YAP1: variants seen among roughly 807,000 people sequenced by gnomAD.
YAP1 encodes the protein transcriptional coactivator YAP1.
In YAP1, 5 loss-of-function variants were observed where a neutral mutation model predicts 56.9. The ratio of observed to expected loss-of-function variants is 0.09; its 90% CI spans 0.05 to 0.18. YAP1 has a LOEUF of 0.18. YAP1 is among the 10% of genes least tolerant of loss of function. YAP1 has a pLI of 1.00. For synonymous variants in YAP1, 265 were observed against 248.1 expected (o/e 1.07, Z -0.64); for missense variants, 539 against 651.8 (o/e 0.83, Z 1.88).
intron 3 of YAP1, among the ~76,000 whole-genome samples, chr11:102,167,334 A>G (rs1012041909): frequency 3.9e-5 from 6 of 152,258 alleles, no homozygotes; most frequent in African/African-American, 1.4e-4. Flanking sequence ...GGAATAATGT[A>G]TTAAGATAAT....
intron 2 of YAP1, among the ~76,000 whole-genome samples, chr11:102,135,853 AT>A (rs2099194335): frequency 1.3e-5 from 2 of 152,130 alleles, no homozygotes; most frequent in African/African-American, 4.8e-5. Flanking sequence ...CTTTTGATCA[AT>A]TTTGTGGGAC....
intron 2 of YAP1, among the ~76,000 whole-genome samples, chr11:102,136,950 T>G (rs1473558216): frequency 6.6e-6 from 1 of 152,230 alleles, no homozygotes; most frequent in African/African-American, 2.4e-5. Context: ...TCTTGGCTGT[T>G]CTTTGTTGTA....
At chr11:102,212,256 G>T (rs1177078148) in intron 6 of YAP1, among the ~76,000 whole-genome samples, 1 of 152,190 alleles carries the variant, frequency 6.6e-6, no homozygotes, top group Non-Finnish European at 1.5e-5. Flanking sequence ...GCTGTGGGAT[G>T]TGGAAAGCCA....
chr11:102,218,285 T>C (rs1423175858), intron 6 of YAP1, among the ~76,000 whole-genome samples: 1 of 152,230 alleles, frequency 6.6e-6, no homozygotes, highest in Non-Finnish European at 1.5e-5. Context: ...GTCCCTTATA[T>C]AAAATGGCAT....
At chr11:102,156,972 T>C (rs1304506130) in intron 2 of YAP1, among the ~76,000 whole-genome samples, 1 of 152,238 alleles carries the variant, frequency 6.6e-6, no homozygotes, top group East Asian at 1.9e-4. Flanking sequence ...ATGTTAATTT[T>C]ATCAAACCTA....
At chr11:102,172,316 T>G (rs1227475325) in intron 3 of YAP1, among the ~76,000 whole-genome samples, 1 of 141,244 alleles carries the variant, frequency 7.1e-6, no homozygotes, top group African/African-American at 2.7e-5. Flanking sequence ...TTTTTTTTTT[T>G]TTTTTTTTTT....
chr11:102,175,478 C>T (rs917514187), intron 3 of YAP1, among the ~76,000 whole-genome samples: 3 of 152,150 alleles, frequency 2.0e-5, no homozygotes, highest in Non-Finnish European at 4.4e-5. Flanking sequence ...TTCCCATATT[C>T]GGCTTATCAA....
chr11:102,200,241 A>G (rs923794027), intron 4 of YAP1, among the ~76,000 whole-genome samples: 1 of 152,240 alleles, frequency 6.6e-6, no homozygotes, highest in Non-Finnish European at 1.5e-5. Flanking sequence ...GGGGAAAGAT[A>G]CACAGTTAGC....
At chr11:102,202,222 C>T (rs866054642) in intron 4 of YAP1, among the ~76,000 whole-genome samples, 1 of 151,356 alleles carries the variant, frequency 6.6e-6, no homozygotes, top group East Asian at 1.9e-4. Context: ...TGCAGTGGCG[C>T]GGTCTTGGCT....
chr11:102,161,773 C>T (rs557960136), intron 2 of YAP1, among the ~76,000 whole-genome samples: 28 of 152,278 alleles, frequency 1.8e-4, no homozygotes, highest in African/African-American at 6.0e-4. Context: ...GCCTTGCAGT[C>T]TTACATTTCA....
chr11:102,231,194 A>AT lies in YAP1; in HGVS notation c.*1259dup, dbSNP rs1950425468. ...TGGCTTTATTTTCTCCCTTGGACTA[A>AT]TTTTTAAGTCTCGATTGGAATTCAG... On this transcript the variant is annotated 3_prime_UTR_variant, in exon 9 of 9. Transcript: ENST00000282441. 1 of 152,256 alleles carries AT rather than the reference A, an allele frequency of 6.6e-6. No individual in the cohort carries two copies. Among genetic ancestry groups the AT allele is most frequent in the Non-Finnish European group, 1.5e-5 (1 of 68,046 alleles). The allele number at this position is 152,256 out of a possible 1,614,324, so 9.4% of individuals were successfully genotyped here.
intron 3 of YAP1, among the ~76,000 whole-genome samples, chr11:102,182,501 A>T (rs1342581554): frequency 6.6e-6 from 1 of 152,126 alleles, no homozygotes; most frequent in African/African-American, 2.4e-5. Context: ...TCTCCTTTTC[A>T]TGGTTATTCA....
chr11:102,176,745 CAAAAAAAAAAAAAA>C lies in YAP1; in HGVS notation c.689-9255_689-9242del, dbSNP rs57082707. Among the ~76,000 whole-genome samples the C allele has an allele frequency of 3.0e-3, 137 of 45,520 alleles. 1 individual carries two copies. The highest frequency in any genetic ancestry group is 5.3e-3 in the African/African-American group (60 of 11,260). The allele number at this position is 45,520 out of a possible 152,430, so 29.9% of individuals were successfully genotyped here. On this transcript the variant is annotated intron_variant, in intron 3 of 8. Coordinates refer to ENST00000282441, the MANE Select transcript of YAP1 (RefSeq NM_001130145.3). ...TGGGCAACAGAGTAAGACTCCGTCT[CAAAAAAAAAAAAAA>C]AAAAAAAAAAAAAAAAAGAGTAGAA...
intron 7 of YAP1, among the ~76,000 whole-genome samples, chr11:102,226,317 T>G (rs1221367682): frequency 2.0e-5 from 3 of 152,210 alleles, no homozygotes; most frequent in Non-Finnish European, 2.9e-5. Flanking sequence ...GATGGCAGTA[T>G]ATAGAATGAG....
intron 6 of YAP1, 128 bp downstream of exon 6, chr11:102,209,692 C>A: frequency 1.2e-6 from 1 of 844,604 alleles, no homozygotes; most frequent in Non-Finnish European, 1.7e-6. Context: ...TTTGAGCCAT[C>A]TTTCTACCAA....
At chr11:102,172,190 T>C (rs1410583251) in intron 3 of YAP1, among the ~76,000 whole-genome samples, 1 of 99,462 alleles carries the variant, frequency 1.0e-5, no homozygotes. Flanking sequence ...CAGAACTTCT[T>C]CTCAAAAAAA....
chr11:102,143,737 A>G (rs1251046299), intron 2 of YAP1, among the ~76,000 whole-genome samples: 1 of 152,230 alleles, frequency 6.6e-6, no homozygotes, highest in Non-Finnish European at 1.5e-5. Context: ...TTTTAATCGA[A>G]CAGGTTACTT....
chr11:102,172,300 ATTTTTTTT>A (rs752185861), intron 3 of YAP1, among the ~76,000 whole-genome samples: 3 of 110,820 alleles, frequency 2.7e-5, no homozygotes, highest in African/African-American at 8.5e-5. Context: ...ACAGTGAAGA[ATTTTTTTT>A]TTTTTTTTTT....
At chr11:102,228,634 C>CAAAAAAAAAAAAAAAAAACAAAAAAA (rs1950314731) in intron 8 of YAP1, among the ~76,000 whole-genome samples, 1 of 31,626 alleles carries the variant, frequency 3.2e-5, no homozygotes, top group Non-Finnish European at 7.6e-5. Context: ...GACTCCGTCT[C>CAAAAAAAAAAAAAAAAAACAAAAAAA]AAAAAAAAAA....
Sources: allele counts gnomAD v4.1 joint callset (sites outside exome capture counted in the v4.1 genomes callset), GRCh38; gene constraint gnomAD v4.1.1; transcripts MANE v1.5; gene names NCBI Gene and HGNC (gene_info 2026-07-23, HGNC 2026-07-21).